The following MPP7 variants were observed in gnomAD, a reference collection of about 807,000 sequenced individuals.
The protein encoded by MPP7 is MAGUK p55 subfamily member 7.
A neutral mutation model predicts 76.5 loss-of-function variants in MPP7; 60 were observed. The observed-to-expected ratio is 0.78, with a 90% confidence interval of 0.64 to 0.97. MPP7 has a LOEUF of 0.97. MPP7 is among the 50% of genes least tolerant of loss of function. MPP7 has a pLI of 0.00. For missense variants in MPP7, 641 were observed against 694.0 expected, an observed-to-expected ratio of 0.92 and a Z score of 0.86; for synonymous variants, 237 against 244.5, an observed-to-expected ratio of 0.97 and a Z score of 0.29.
At chr10:28,238,184 G>T (rs910649607) in intron 2 of MPP7, among the ~76,000 whole-genome samples, 27 of 151,956 alleles carry the variant, frequency 1.8e-4, no homozygotes, top group Non-Finnish European at 3.7e-4. Flanking sequence ...AAAAAAAAGA[G>T]AAAAATATGA....
chr10:28,212,474 G>T (rs1439217663), intron 2 of MPP7, among the ~76,000 whole-genome samples: 1 of 152,210 alleles, frequency 6.6e-6, no homozygotes, highest in Non-Finnish European at 1.5e-5. Context: ...GATACCAGTG[G>T]AGATGCAGTG....
intron 11 of MPP7, among the ~76,000 whole-genome samples, chr10:28,108,052 G>A (rs1476862389): frequency 6.6e-6 from 1 of 152,122 alleles, no homozygotes; most frequent in Non-Finnish European, 1.5e-5. Flanking sequence ...AGTTTGTTTT[G>A]TAAAATGAAA....
intron 1 of MPP7, among the ~76,000 whole-genome samples, chr10:28,272,284 T>A (rs1026869738): frequency 2.6e-5 from 4 of 152,216 alleles, no homozygotes; most frequent in African/African-American, 9.6e-5. Flanking sequence ...AAATTATTTG[T>A]AAAATATATA....
At chr10:28,217,807 T>A (rs777771328) in intron 2 of MPP7, among the ~76,000 whole-genome samples, 11 of 152,196 alleles carry the variant, frequency 7.2e-5, no homozygotes, top group Admixed American at 6.5e-4. Flanking sequence ...AGGGTTGTCA[T>A]GTTTGTCAAA....
intron 3 of MPP7, among the ~76,000 whole-genome samples, chr10:28,189,983 G>A (rs1225364702): frequency 6.6e-6 from 1 of 152,064 alleles, no homozygotes; most frequent in East Asian, 1.9e-4. Flanking sequence ...GAAAAAAGTA[G>A]AGAAAGATAC....
At chr10:28,159,896 T>A (rs551713027) in intron 3 of MPP7, among the ~76,000 whole-genome samples, 10 of 152,188 alleles carry the variant, frequency 6.6e-5, no homozygotes, top group African/African-American at 2.2e-4. Context: ...TTTCCAAACA[T>A]TTACACATTT....
intron 2 of MPP7, among the ~76,000 whole-genome samples, chr10:28,314,509 G>T (rs926576907): frequency 1.3e-5 from 2 of 152,212 alleles, no homozygotes; most frequent in African/African-American, 4.8e-5. Context: ...TAGCTTCCGC[G>T]TATGTTCACT....
chr10:28,328,293 A>G (rs1206206068), intron 2 of MPP7, among the ~76,000 whole-genome samples: 2 of 152,358 alleles, frequency 1.3e-5, no homozygotes, highest in African/African-American at 2.4e-5. Flanking sequence ...CATAGTTTTT[A>G]AATTTTGAAT....
intron 15 of MPP7, among the ~76,000 whole-genome samples, chr10:28,058,108 T>C (rs1851635811): frequency 6.6e-6 from 1 of 152,122 alleles, no homozygotes; most frequent in African/African-American, 2.4e-5. Context: ...AACCAAAATG[T>C]CCATCGTTAA....
In MPP7 at chr10:28,257,376, T is replaced by C. The variant is rs377318653; in HGVS notation, c.-131-18641A>G. Among the ~76,000 whole-genome samples the C allele has an allele frequency of 8.5e-5, 13 of 152,146 alleles. No homozygotes were observed. In the East Asian group the frequency reaches 1.2e-3, roughly 14 times the overall value. ...AGGAAGATATTAAACACAGAATTTATATAAAACTCCCAAAGAAAACCTTCT... is the reference window on the plus strand; with the variant it reads ...AGGAAGATATTAAACACAGAATTTACATAAAACTCCCAAAGAAAACCTTCT... On this transcript the variant is annotated intron_variant, in intron 1 of 16. Transcript: ENST00000683449.
At chr10:28,086,801 G>A (rs1258984176) in intron 12 of MPP7, among the ~76,000 whole-genome samples, 2 of 152,084 alleles carry the variant, frequency 1.3e-5, no homozygotes, top group African/African-American at 4.8e-5. Flanking sequence ...CTATATCGGG[G>A]AAAGCCCACC....
In MPP7 at chr10:28,163,660, T is replaced by C. The variant is rs962135928; in HGVS notation, c.157-13601A>G. Among the ~76,000 whole-genome samples, 4 of 152,106 alleles carry C rather than the reference T, an allele frequency of 2.6e-5. No individual in the cohort carries two copies. The East Asian group carries it at 5.8e-4, about 22-fold the overall frequency. ...AAAGAAGTGTCTGGAATGAGTACTA[T>C]ATTTTGGCCAGGCACAATGGCTCAC... On this transcript the variant is annotated intron_variant, in intron 3 of 16. Coordinates refer to ENST00000683449, the MANE Select transcript of MPP7 (RefSeq NM_001318170.2).
intron 3 of MPP7, among the ~76,000 whole-genome samples, chr10:28,166,780 T>C (rs12261363): frequency 0.16 from 24,550 of 152,106 alleles, 2,304 homozygotes; most frequent in East Asian, 0.37. Flanking sequence ...ATTGTTCTGT[T>C]TTGCTTGTTT....
At chr10:28,143,781 G>A (rs1219287103) in intron 5 of MPP7, among the ~76,000 whole-genome samples, 1 of 140,600 alleles carries the variant, frequency 7.1e-6, no homozygotes, top group Admixed American at 7.0e-5. Flanking sequence ...TATTACAATT[G>A]TCCCTCAAGC....
At chr10:28,322,506 C>A (rs1298806699) in intron 2 of MPP7, among the ~76,000 whole-genome samples, 4 of 152,230 alleles carry the variant, frequency 2.6e-5, no homozygotes, top group African/African-American at 9.6e-5. Context: ...GGCAGCCAGG[C>A]CCCAACCTTT....
At chr10:28,197,722 T>A (rs768385567) in intron 3 of MPP7, among the ~76,000 whole-genome samples, 9 of 152,196 alleles carry the variant, frequency 5.9e-5, no homozygotes, top group Admixed American at 2.0e-4. Context: ...TTGGCCCTAG[T>A]GGTCCATATA....
chr10:28,223,318 G>T (rs920082714), intron 2 of MPP7, among the ~76,000 whole-genome samples: 1 of 152,184 alleles, frequency 6.6e-6, no homozygotes, highest in African/African-American at 2.4e-5. Flanking sequence ...TGAGGAAACA[G>T]TGCAAGAGAC....
intron 3 of MPP7, among the ~76,000 whole-genome samples, chr10:28,173,392 A>G (rs1358055925): frequency 6.6e-6 from 1 of 152,236 alleles, no homozygotes; most frequent in East Asian, 1.9e-4. Context: ...ATAGATGGAT[A>G]AAGAATTGTC....
intron 2 of MPP7, among the ~76,000 whole-genome samples, chr10:28,223,644 C>T (rs1451334230): frequency 2.6e-5 from 4 of 152,010 alleles, no homozygotes; most frequent in Non-Finnish European, 5.9e-5. Context: ...CTGAGTAAAA[C>T]AGATCAAAGA....
Sources: allele counts gnomAD v4.1 joint callset (sites outside exome capture counted in the v4.1 genomes callset), GRCh38; gene constraint gnomAD v4.1.1; transcripts MANE v1.5; gene names NCBI Gene and HGNC (gene_info 2026-07-23, HGNC 2026-07-21).